DNAH10: variants seen among roughly 807,000 people sequenced by gnomAD.
DNAH10 encodes dynein axonemal heavy chain 10, also known as axonemal beta dynein heavy chain 10.
DNAH10 carries 348 observed loss-of-function variants against 506.6 expected under a neutral mutation model. That is an observed-to-expected ratio of 0.69 (90% CI 0.63 to 0.75). DNAH10 has a LOEUF of 0.75. DNAH10 is among the 30% of genes least tolerant of loss of function. The pLI, the probability that DNAH10 is intolerant of heterozygous loss-of-function variation, is 0.00. For synonymous variants in DNAH10, 2,059 were observed against 2,198.6 expected (o/e 0.94, Z 1.78); for missense variants, 5,179 against 5,787.1 (o/e 0.89, Z 3.41).
At chr12:123,773,881 G>A (rs151071043) in intron 4 of DNAH10, among the ~76,000 whole-genome samples, 22 of 152,320 alleles carry the variant, frequency 1.4e-4, no homozygotes, top group South Asian at 1.0e-3. Context: ...TTTGTCCAGC[G>A]TTAGATACTC....
rs896497960 is a variant in DNAH10 at position 123,903,097 on chromosome 12, G to C, written c.9799G>C (p.Asp3267His). 3.7e-6 allele frequency: 6 copies of C among 1,610,338 alleles called. No individual in the cohort carries two copies. The African/African-American group carries it at 8.0e-5, about 22-fold the overall frequency. ...GGAACTGCAGAAGCTGGACAAGTCGGACGTGACTGAGATTAGGTAATGCAC... is the reference window on the plus strand; with the variant it reads ...GGAACTGCAGAAGCTGGACAAGTCGCACGTGACTGAGATTAGGTAATGCAC... ...KLELQKLDKS[D>H]VTEIRSFAKP... Residue 3267 changes from aspartate (D) to histidine (H), a missense_variant, in exon 57 of 79, where the codon GAC (aspartate) becomes CAC (histidine). Asp to His is a moderately conservative substitution (Grantham distance 81). This residue lies in a region of DNAH10 where 4,844 missense variants were observed against 5,430.5 expected (regional missense o/e 0.89). Transcript: ENST00000673944. The surrounding 1 kb of genome is among the most constrained non-coding windows in gnomAD (Gnocchi z 4.6).
Position 123,790,017 on chromosome 12 carries a change from G to A in DNAH10, c.1711G>A (p.Asp571Asn). Residue 571 changes from aspartate to asparagine, a missense_variant, in exon 11 of 79, where the codon GAC becomes AAC. Coordinates refer to ENST00000673944, the MANE Select transcript of DNAH10 (RefSeq NM_001372106.1). The stretch of plus-strand genomic sequence containing the variant: ...CATTGATGATGTCCTATGCAGAGTG[G>A]ACGGCCTAGTCACCCCCATGGAAAA... The part of the protein sequence containing the change: ...KRIDDVLCRV[D>N]GLVTPMENLT... 3.7e-6 allele frequency: 6 copies of A among 1,614,148 alleles called. No individual in the cohort carries two copies. The South Asian group carries it at 5.5e-5, about 15-fold the overall frequency.
chr12:123,871,073 T>G (rs1347660928), intron 44 of DNAH10, among the ~76,000 whole-genome samples: 1 of 152,186 alleles, frequency 6.6e-6, no homozygotes. Flanking sequence ...AACCTGCCAG[T>G]GCAAGAGGGA....
chr12:123,821,981 G>A (rs970563389), intron 24 of DNAH10, among the ~76,000 whole-genome samples: 3 of 151,506 alleles, frequency 2.0e-5, no homozygotes, highest in Non-Finnish European at 4.4e-5. Context: ...CAAGGCGGGT[G>A]GATCACTTGA....
rs58411567 is a variant in DNAH10 at position 123,903,027 on chromosome 12, G to A, written c.9729G>A (p.Glu3243=). The change falls in exon 57 of 79, where the codon GAG becomes GAA. Residue 3243 remains glutamate, a synonymous_variant. Coordinates refer to ENST00000673944, the MANE Select transcript of DNAH10 (RefSeq NM_001372106.1). This position sits in a 1 kb window ranked among gnomAD's most constrained non-coding sequence, Gnocchi z 4.6. The part of the protein sequence containing the change: ...KVIAMEKAEA[E]TTLAEVMPIL... ...TTGCCATGGAGAAGGCCGAGGCCGAGACGACCCTGGCAGAGGTCATGCCCA... is the reference window on the plus strand; with the variant it reads ...TTGCCATGGAGAAGGCCGAGGCCGAAACGACCCTGGCAGAGGTCATGCCCA... 389,821 of 1,604,564 alleles carry A rather than the reference G, an allele frequency of 0.24. 49,530 individuals carry two copies. Among genetic ancestry groups the A allele is most frequent in the African/African-American group, 0.48 (35,988 of 74,524 alleles).
chr12:123,857,456 A>T (rs1030852731), intron 37 of DNAH10, among the ~76,000 whole-genome samples: 2 of 152,236 alleles, frequency 1.3e-5, no homozygotes, highest in Non-Finnish European at 2.9e-5. Flanking sequence ...TAGGCCGGGC[A>T]CAGTGGCTTA....
Position 123,762,651 on chromosome 12 carries a change from C to T in DNAH10, c.214+101C>T. The T allele has an allele frequency of 7.7e-7, 1 of 1,306,130 alleles. No homozygotes were observed. Among genetic ancestry groups the T allele is most frequent in the South Asian group, 1.4e-5 (1 of 69,530 alleles). 80.9% of individuals were successfully genotyped at this position (1,306,130 alleles called of 1,614,324 possible). A position where few individuals can be genotyped will look rare whatever the true frequency, so the allele number is the denominator to read the frequency against. ...TGCTAGAGCCTGCCCATCGTCCGGC[C>T]CCGGCCTCAGGTGCTGTCCACAAAC... On this transcript the variant is annotated intron_variant, in intron 1 of 78. Coordinates refer to ENST00000673944, the MANE Select transcript of DNAH10 (RefSeq NM_001372106.1). This position sits in a 1 kb window ranked among gnomAD's most constrained non-coding sequence, Gnocchi z 5.0.
At chr12:123,808,261 G>A (rs1244624764) in intron 18 of DNAH10, among the ~76,000 whole-genome samples, 3 of 152,082 alleles carry the variant, frequency 2.0e-5, no homozygotes, top group African/African-American at 7.2e-5. Context: ...AAACTCCTGG[G>A]CTCAAATGAT....
intron 19 of DNAH10, among the ~76,000 whole-genome samples, chr12:123,811,512 T>A (rs1442297609): frequency 6.6e-6 from 1 of 151,742 alleles, no homozygotes. Flanking sequence ...TATTTATTTT[T>A]TTTTTTGAGA....
At position 123,903,239 on chromosome 12, in the gene DNAH10, C is replaced by T; in HGVS notation, c.9815+126C>T. On this transcript the variant is annotated intron_variant, in intron 57 of 78. Coordinates refer to ENST00000673944, the MANE Select transcript of DNAH10 (RefSeq NM_001372106.1). The surrounding 1 kb of genome is among the most constrained non-coding windows in gnomAD (Gnocchi z 4.6). ...ACATGCTGCCACTGTGCCTGGCTCT[C>T]TCCATGGTGGAGACTGTTGTTGCCC... is the stretch of plus-strand genomic sequence containing the variant. The T allele has an allele frequency of 7.9e-7, 1 of 1,267,310 alleles. No homozygotes were observed. Among genetic ancestry groups the T allele is most frequent in the South Asian group, 1.6e-5 (1 of 62,598 alleles). The allele number at this position is 1,267,310 out of a possible 1,614,324, so 78.5% of individuals were successfully genotyped here.
intron 19 of DNAH10, among the ~76,000 whole-genome samples, chr12:123,810,077 C>T (rs966779573): frequency 1.3e-5 from 2 of 152,188 alleles, no homozygotes; most frequent in African/African-American, 4.8e-5. Context: ...AATGTAAGAT[C>T]CATGGGAATA....
chr12:123,934,305 C>T (rs1394793687), intron 77 of DNAH10: 8 of 688,232 alleles, frequency 1.2e-5, no homozygotes, highest in Admixed American at 4.1e-5. Context: ...ATCTTTCTAG[C>T]CTGGGGGCCC....
At position 123,762,430 on chromosome 12, in the gene DNAH10, G is replaced by T; in HGVS notation, c.94G>T (p.Asp32Tyr). 1 of 1,431,426 alleles carries T rather than the reference G, an allele frequency of 7.0e-7. No individual in the cohort carries two copies. The allele number at this position is 1,431,426 out of a possible 1,614,324, so 88.7% of individuals were successfully genotyped here. A position where few individuals can be genotyped will look rare whatever the true frequency, so the allele number is the denominator to read the frequency against. The stretch of plus-strand genomic sequence containing the variant: ...GCTTTTCGAGGACCTGCTCAACCGC[G>T]ACGACGGCCAGGGCGAGGACCTCAT... Reference protein sequence around the residue: ...PQLFEDLLNRDDGQGEDLILH... With the variant: ...PQLFEDLLNRYDGQGEDLILH... Residue 32 changes from aspartate to tyrosine, a missense_variant, in exon 1 of 79, where the codon GAC becomes TAC. Around this residue, in one of 3 missense-constraint regions of DNAH10, gnomAD observed 326 missense variants for 330.8 expected, o/e 0.99. Coordinates refer to ENST00000673944, the MANE Select transcript of DNAH10 (RefSeq NM_001372106.1). The surrounding 1 kb of genome is among the most constrained non-coding windows in gnomAD (Gnocchi z 5.0).
chr12:123,935,337 T>C lies in DNAH10; in HGVS notation c.13626T>C (p.Asn4542=), dbSNP rs1458338733. Residue 4542 remains asparagine (N), a splice_region_variant and synonymous_variant, in exon 79 of 79, where the codon AAT becomes AAC. Transcript: ENST00000673944. ...TCTCACCTGCCTTTCCCTTGCAGAATACTTTCCGGACCCCCGTCTACACCA... is the reference window on the plus strand; with the variant it reads ...TCTCACCTGCCTTTCCCTTGCAGAACACTTTCCGGACCCCCGTCTACACCA... ...PIEAHRLKLQ[N]TFRTPVYTTS... 2.5e-6 allele frequency: 4 copies of C among 1,602,590 alleles called. No individual in the cohort carries two copies. The East Asian group carries it at 6.7e-5, about 27-fold the overall frequency.
chr12:123,850,153 G>A lies in DNAH10; in HGVS notation c.6103-735G>A, dbSNP rs146985730. On this transcript the variant is annotated intron_variant, in intron 34 of 78. Coordinates refer to ENST00000673944, the MANE Select transcript of DNAH10 (RefSeq NM_001372106.1). This position sits in a 1 kb window ranked among gnomAD's most constrained non-coding sequence, Gnocchi z 5.5. The stretch of plus-strand genomic sequence containing the variant: ...TGGCTGTCTTCCGGGCTGCCCTCTC[G>A]TTGGTGATGCAGACTGTGCCTCCTA... Among the ~76,000 whole-genome samples, 1,443 of 150,444 alleles carry A rather than the reference G, an allele frequency of 9.6e-3. 18 individuals carry two copies. The highest frequency in any genetic ancestry group is 0.033 in the African/African-American group (1,354 of 40,528).
chr12:123,853,415 T>C lies in DNAH10; in HGVS notation c.6438+63T>C. ...TGCTTCAGGCATTTACTACGTGCCATTGGGGAGGTGATGGGCACAGTATGG... is the reference window on the plus strand; with the variant it reads ...TGCTTCAGGCATTTACTACGTGCCACTGGGGAGGTGATGGGCACAGTATGG... On this transcript the variant is annotated intron_variant, in intron 36 of 78. Coordinates refer to ENST00000673944, the MANE Select transcript of DNAH10 (RefSeq NM_001372106.1). The surrounding 1 kb of genome is among the most constrained non-coding windows in gnomAD (Gnocchi z 4.7). The C allele has an allele frequency of 1.9e-6, 3 of 1,555,920 alleles. No individual in the cohort carries two copies. The highest frequency in any genetic ancestry group is 2.6e-6 in the Non-Finnish European group (3 of 1,149,888).
Position 123,879,329 on chromosome 12 carries a change from G to T in DNAH10, c.8438G>T (p.Arg2813Leu), listed in dbSNP as rs770484569. ...RNECLRVFHD[R>L]LISETDKQLV... is the part of the protein sequence containing the mutation. ...GAGTGTCTGAGAGTCTTCCACGACC[G>T]GCTGATCAGTGAAACAGACAAGCAG... is the stretch of plus-strand genomic sequence containing the variant. The change falls in exon 49 of 79, where the codon CGG (arginine) becomes CTG (leucine). Residue 2813 changes from arginine (R) to leucine (L), a missense_variant. Arg to Leu is a moderately radical substitution (Grantham distance 102, BLOSUM62 -2). This residue lies in a region of DNAH10 where 4,844 missense variants were observed against 5,430.5 expected (regional missense o/e 0.89). Coordinates refer to ENST00000673944, the MANE Select transcript of DNAH10 (RefSeq NM_001372106.1). 3 of 1,573,586 alleles carry T rather than the reference G, an allele frequency of 1.9e-6. No individual in the cohort carries two copies. Among genetic ancestry groups the T allele is most frequent in the Admixed American group, 1.9e-5 (1 of 53,974 alleles).
chr12:123,927,139 T>G (rs770866948), intron 69 of DNAH10: 5 of 309,820 alleles, frequency 1.6e-5, no homozygotes, highest in Non-Finnish European at 2.9e-5. Flanking sequence ...ACCTCCTGAT[T>G]GTGAAGTGAT....
rs779331809 is a variant in DNAH10, at chr12:123,875,129, G to A, written c.7939-102G>A. 120 of 1,364,422 alleles carry A rather than the reference G, an allele frequency of 8.8e-5. 1 individual carries two copies. The highest frequency in any genetic ancestry group is 1.6e-4 in the Admixed American group (7 of 42,612). The allele number at this position is 1,364,422 out of a possible 1,614,324, so 84.5% of individuals were successfully genotyped here. A position where few individuals can be genotyped will look rare whatever the true frequency, so the allele number is the denominator to read the frequency against. On this transcript the variant is annotated intron_variant, in intron 46 of 78. Transcript: ENST00000673944. ...AACTGAAACCGAGGTGCCCTGGAGA[G>A]TAACGGGAAAAATGAGCTTGAGCTG...
Sources: allele counts gnomAD v4.1 joint callset (sites outside exome capture counted in the v4.1 genomes callset), GRCh38; gene constraint gnomAD v4.1.1; regional missense constraint gnomAD v4.1.1; non-coding constraint Gnocchi (gnomAD v3.1); transcripts MANE v1.5; gene names NCBI Gene and HGNC (gene_info 2026-07-23, HGNC 2026-07-21).